Variants in MCM3 observed in about 807,000 individuals in gnomAD.
MCM3 encodes DNA replication licensing factor MCM3.
A neutral mutation model predicts 91.3 loss-of-function variants in MCM3; 59 were observed. The ratio of observed to expected loss-of-function variants is 0.65; its 90% confidence interval spans 0.52 to 0.80. The LOEUF is 0.80. Ranked by LOEUF, MCM3 falls within the 30% of genes least tolerant of loss-of-function variation. The pLI is 0.00. For synonymous variants in MCM3, 383 were observed against 379.6 expected (o/e 1.01, Z -0.10); for missense variants, 919 against 1,035.4 (o/e 0.89, Z 1.54).
chr6:52,279,292 GGA>G, intron 5 of MCM3, 67 bp downstream of exon 5: 1 of 1,357,522 alleles, frequency 7.4e-7, no homozygotes, highest in African/African-American at 1.4e-5. Context: ...ATGGCAAACT[GGA>G]GAAAGGATAT....
In MCM3 at chr6:52,264,778, G is replaced by A. The variant is rs774049964; in HGVS notation, c.2237C>T (p.Ala746Val). The change falls in exon 17 of 17, where the codon GCA (alanine) becomes GTA (valine). Residue 746 changes from alanine (A) to valine (V), a missense_variant. By Grantham distance (64) the Ala-to-Val change is moderately conservative. This residue lies in a region of MCM3 where 285 missense variants were observed against 311.4 expected (regional missense o/e 0.92). Coordinates refer to ENST00000596288, the MANE Select transcript of MCM3 (RefSeq NM_002388.6). ...CACATCCAAGAGGGCCACCTTGAAT[G>A]CCTTCAACCTGCCCCAGACAGAAGA... ...KVELSESRLKAFKVALLDVFR... is the reference protein window; with the variant it reads ...KVELSESRLKVFKVALLDVFR... 4.3e-6 allele frequency: 7 copies of A among 1,613,770 alleles called. No homozygotes were observed. The highest frequency in any genetic ancestry group is 2.2e-5 in the East Asian group (1 of 44,892).
intron 13 of MCM3, among the ~76,000 whole-genome samples, chr6:52,268,607 T>A (rs1764833229): frequency 6.6e-6 from 1 of 152,066 alleles, no homozygotes; most frequent in South Asian, 2.1e-4. Flanking sequence ...AGGTGCAATG[T>A]CACAAACAGA....
At chr6:52,283,878 A>G (rs1261210328) in intron 1 of MCM3, among the ~76,000 whole-genome samples, 1 of 152,238 alleles carries the variant, frequency 6.6e-6, no homozygotes, top group Non-Finnish European at 1.5e-5. Flanking sequence ...TACAATAAAA[A>G]TGTAAATAAA....
intron 12 of MCM3, among the ~76,000 whole-genome samples, chr6:52,271,614 C>A (rs566118360): frequency 4.9e-4 from 74 of 152,202 alleles, no homozygotes; most frequent in African/African-American, 1.7e-3. Flanking sequence ...TGCACTCCAG[C>A]CTAGCCAACA....
intron 1 of MCM3, among the ~76,000 whole-genome samples, chr6:52,284,252 C>T (rs774969621): frequency 2.0e-5 from 3 of 152,226 alleles, no homozygotes; most frequent in Non-Finnish European, 4.4e-5. Context: ...AGCCCTAGGG[C>T]AGCCCCTCCC....
chr6:52,277,667 T>C lies in MCM3; in HGVS notation c.901A>G (p.Lys301Glu). The change falls in exon 7 of 17, where the codon AAG becomes GAG. Residue 301 changes from lysine (K) to glutamate (E), a missense_variant. Lys to Glu is a moderately conservative substitution (Grantham distance 56). Coordinates refer to ENST00000596288, the MANE Select transcript of MCM3 (RefSeq NM_002388.6). The stretch of plus-strand genomic sequence containing the variant: ...CCATGGATACTTGGGGCCAATGACT[T>C]GGCCAGCTGGTCAAAGATATCCTAC... ...RSKDIFDQLA[K>E]SLAPSIHGHD... 6.2e-7 allele frequency: 1 copy of C among 1,614,040 alleles called. No homozygotes were observed. Among genetic ancestry groups the C allele is most frequent in the Non-Finnish European group, 8.5e-7 (1 of 1,179,972 alleles).
At chr6:52,273,604 G>A in intron 10 of MCM3, 138 bp downstream of exon 10, 1 of 885,332 alleles carries the variant, frequency 1.1e-6, no homozygotes, top group Middle Eastern at 3.6e-4. Context: ...GCAAGAAGGG[G>A]AGGTGGCTAA....
rs747029502 is a variant in MCM3 at position 52,267,985 on chromosome 6, T to G, written c.1969-17A>C. On this transcript the variant is annotated splice_polypyrimidine_tract_variant and intron_variant, in intron 13 of 16. Coordinates refer to ENST00000596288, the MANE Select transcript of MCM3 (RefSeq NM_002388.6). ...CTCCAGAACCTAAGACCAAGGCAAG[T>G]GTGGCTGGGCTAGAGGGGTCACTGA... 44 of 1,613,888 alleles carry G rather than the reference T, an allele frequency of 2.7e-5. No individual in the cohort carries two copies. The highest frequency in any genetic ancestry group is 3.7e-5 in the Non-Finnish European group (44 of 1,179,932).
rs1014278785 is a variant in MCM3, at chr6:52,276,189, T to C, written c.1374+79A>G. Reference sequence around the variant, plus strand: ...TGGCCTATTATTCCCCTGGGTCACCTAGAATACACTTCTCAGCCCAGTTAG... The same window carrying C: ...TGGCCTATTATTCCCCTGGGTCACCCAGAATACACTTCTCAGCCCAGTTAG... On this transcript the variant is annotated intron_variant, in intron 9 of 16. Transcript: ENST00000596288. 1.8e-4 allele frequency: 244 copies of C among 1,329,428 alleles called. 5 individuals are homozygous for C. In the Admixed American group the frequency reaches 4.8e-3, roughly 26 times the overall value. 82.4% of individuals were successfully genotyped at this position (1,329,428 alleles called of 1,614,324 possible).
intron 11 of MCM3, among the ~76,000 whole-genome samples, chr6:52,272,820 TG>T (rs1765248275): frequency 6.6e-6 from 1 of 152,160 alleles, no homozygotes; most frequent in Non-Finnish European, 1.5e-5. Flanking sequence ...CAAAAATAGG[TG>T]TAAGATCCCA....
At chr6:52,273,208 G>A in intron 11 of MCM3, 22 bp downstream of exon 11, 1 of 1,614,008 alleles carries the variant, frequency 6.2e-7, no homozygotes. Flanking sequence ...TTCCCTTGAG[G>A]AAGAGTTATG....
intron 4 of MCM3, among the ~76,000 whole-genome samples, chr6:52,281,763 GT>G (rs895060944): frequency 2.6e-4 from 39 of 152,082 alleles, no homozygotes; most frequent in African/African-American, 9.2e-4. Context: ...GAGCCCCGGA[GT>G]TTGCAAATTT....
intron 1 of MCM3, 43 bp from the exon 2 acceptor site, chr6:52,283,449 A>G (rs1766332195): frequency 2.2e-6 from 3 of 1,367,210 alleles, no homozygotes; most frequent in Non-Finnish European, 3.1e-6. Context: ...ACAAATTTAA[A>G]AACAATGTTT....
intron 15 of MCM3, 41 bp downstream of exon 15, chr6:52,266,570 C>G: frequency 6.4e-7 from 1 of 1,570,906 alleles, no homozygotes; most frequent in East Asian, 2.2e-5. Flanking sequence ...GTCCAAGAGT[C>G]ACAGGAACAA....
rs1765901103 is a variant in MCM3 at position 52,279,608 on chromosome 6, A to T, written c.532-9T>A. On this transcript the variant is annotated splice_polypyrimidine_tract_variant and intron_variant, in intron 4 of 16. Transcript: ENST00000596288. ...GGATTGTTCTCCTCATCCTAGAAAA[A>T]GGCACACAGAGGGACAGAGTGATCT... 1 of 1,591,732 alleles carries T rather than the reference A, an allele frequency of 6.3e-7. No individual in the cohort carries two copies. Among genetic ancestry groups the T allele is most frequent in the Admixed American group, 1.7e-5 (1 of 59,700 alleles).
chr6:52,276,520 TA>T, intron 8 of MCM3, 44 bp from the exon 9 acceptor site: 1 of 1,506,868 alleles, frequency 6.6e-7, no homozygotes, highest in Non-Finnish European at 9.2e-7. Flanking sequence ...GTCTAGGTTA[TA>T]GGGGCCAGAA....
chr6:52,264,825 A>C, intron 16 of MCM3, 39 bp from the exon 17 acceptor site: 1 of 1,569,232 alleles, frequency 6.4e-7, no homozygotes, highest in Non-Finnish European at 8.8e-7. Context: ...GGAGTAAACA[A>C]ACCCAAATGC....
Position 52,277,682 on chromosome 6 carries a change from A to G in MCM3, c.886T>C (p.Phe296Leu). 6.2e-7 allele frequency: 1 copy of G among 1,613,822 alleles called. No individual in the cohort carries two copies. The change falls in exon 7 of 17, where the codon TTT becomes CTT. Residue 296 changes from phenylalanine to leucine, a missense_variant. Phe to Leu is a conservative substitution (Grantham distance 22, BLOSUM62 0). Around this residue, in one of 3 missense-constraint regions of MCM3, gnomAD observed 401 missense variants for 402.7 expected, o/e 1.00. Transcript: ENST00000596288. ...KFSKTRSKDIFDQLAKSLAPS... is the reference protein window; with the variant it reads ...KFSKTRSKDILDQLAKSLAPS... ...GCCAATGACTTGGCCAGCTGGTCAA[A>G]GATATCCTACAGGAGAAATAACCAA...
rs1335154410 is a variant in MCM3 at position 52,269,140 on chromosome 6, G to C, written c.1914C>G (p.Asp638Glu). The change falls in exon 13 of 17, where the codon GAC becomes GAG. Residue 638 changes from aspartate (D) to glutamate (E), a missense_variant. By Grantham distance (45) the Asp-to-Glu change is conservative. This residue lies in a region of MCM3 where 285 missense variants were observed against 311.4 expected (regional missense o/e 0.92). Coordinates refer to ENST00000596288, the MANE Select transcript of MCM3 (RefSeq NM_002388.6). ...HAKARMSKTV[D>E]LQDAEEAVEL... ...CCACAGCTTCCTCTGCATCCTGCAGGTCCACAGTCTTGCTCATGCGGGCCT... is the reference window on the plus strand; with the variant it reads ...CCACAGCTTCCTCTGCATCCTGCAGCTCCACAGTCTTGCTCATGCGGGCCT... The C allele has an allele frequency of 6.2e-7, 1 of 1,613,926 alleles. No individual in the cohort carries two copies. The highest frequency in any genetic ancestry group is 8.5e-7 in the Non-Finnish European group (1 of 1,179,916).
Sources: allele counts gnomAD v4.1 joint callset (sites outside exome capture counted in the v4.1 genomes callset), GRCh38; gene constraint gnomAD v4.1.1; regional missense constraint gnomAD v4.1.1; transcripts MANE v1.5; gene names NCBI Gene and HGNC (gene_info 2026-07-23, HGNC 2026-07-21).